The following FAT3 variants were observed in gnomAD, a reference collection of about 807,000 sequenced individuals.
FAT3 encodes FAT atypical cadherin 3, also known as protocadherin Fat 3.
FAT3 carries 95 observed loss-of-function variants against 310.2 expected under a neutral mutation model. The observed-to-expected ratio is 0.31, with a 90% CI of 0.26 to 0.36. The LOEUF (loss-of-function observed/expected upper bound fraction) is 0.36. FAT3 is among the 10% of genes least tolerant of loss of function. The pLI is 1.00. For missense variants in FAT3, 5,408 were observed against 5,715.6 expected, an observed-to-expected ratio of 0.95 and a Z score of 1.74; for synonymous variants, 2,314 against 2,192.9, an observed-to-expected ratio of 1.06 and a Z score of -1.54.
chr11:92,466,875 T>G (rs1211691143), intron 2 of FAT3, among the ~76,000 whole-genome samples: 3 of 151,662 alleles, frequency 2.0e-5, no homozygotes, highest in Non-Finnish European at 4.4e-5. Context: ...GAATGATGAT[T>G]TCCAATTTCA....
At chr11:92,445,379 G>A (rs1951185078) in intron 2 of FAT3, among the ~76,000 whole-genome samples, 1 of 152,042 alleles carries the variant, frequency 6.6e-6, no homozygotes, top group African/African-American at 2.4e-5. Context: ...TGCTCCCCAG[G>A]AGATTCCGAT....
chr11:92,323,901 T>C (rs1273118772), intron 1 of FAT3, among the ~76,000 whole-genome samples: 1 of 152,256 alleles, frequency 6.6e-6, no homozygotes, highest in Non-Finnish European at 1.5e-5. Context: ...TGCCTACAGA[T>C]GAAACTGATT....
intron 1 of FAT3, among the ~76,000 whole-genome samples, chr11:92,287,141 G>A (rs573143492): frequency 2.6e-5 from 4 of 152,208 alleles, no homozygotes; most frequent in South Asian, 2.1e-4. Context: ...CTTAGAGAAC[G>A]GAGGTATTTA....
intron 3 of FAT3, among the ~76,000 whole-genome samples, chr11:92,551,749 C>T (rs1407494434): frequency 6.6e-6 from 1 of 152,108 alleles, no homozygotes; most frequent in Non-Finnish European, 1.5e-5. Context: ...AGGTGTGTTG[C>T]TATTCCATAA....
At chr11:92,421,227 A>C (rs1001742588) in intron 2 of FAT3, among the ~76,000 whole-genome samples, 7 of 152,042 alleles carry the variant, frequency 4.6e-5, no homozygotes, top group African/African-American at 1.7e-4. Flanking sequence ...TTCGAATTTA[A>C]CTCTTAATTT....
intron 4 of FAT3, among the ~76,000 whole-genome samples, chr11:92,755,457 C>G (rs1423488458): frequency 2.0e-5 from 3 of 152,150 alleles, no homozygotes; most frequent in African/African-American, 4.8e-5. Context: ...CTCCTGACCT[C>G]TGGTGATCCA....
At chr11:92,711,441 A>G (rs539519194) in intron 4 of FAT3, among the ~76,000 whole-genome samples, 151 of 152,216 alleles carry the variant, frequency 9.9e-4, no homozygotes, top group African/African-American at 3.5e-3. Flanking sequence ...GGCCCTAGTG[A>G]TACTTCTGTA....
intron 4 of FAT3, among the ~76,000 whole-genome samples, chr11:92,698,912 G>A (rs193297768): frequency 7.7e-4 from 118 of 152,292 alleles, no homozygotes; most frequent in South Asian, 4.8e-3. Flanking sequence ...CATTATCTGA[G>A]GAGTCTGGCT....
At chr11:92,748,918 G>A (rs954419719) in intron 4 of FAT3, 1 of 152,116 alleles carries the variant, frequency 6.6e-6, no homozygotes, top group African/African-American at 2.4e-5. Context: ...TACTGTTTGT[G>A]TATACTTTTC....
chr11:92,565,568 G>A (rs1955400998), intron 3 of FAT3, among the ~76,000 whole-genome samples: 1 of 151,564 alleles, frequency 6.6e-6, no homozygotes, highest in Non-Finnish European at 1.5e-5. Context: ...ACCAAAGCTG[G>A]GCAGAGAAAC....
intron 2 of FAT3, among the ~76,000 whole-genome samples, chr11:92,399,524 G>T (rs775746369): frequency 2.0e-4 from 30 of 152,084 alleles, no homozygotes; most frequent in Non-Finnish European, 3.1e-4. Context: ...ATAAAATGTT[G>T]TTAACAAAAC....
At chr11:92,840,311 AG>A (rs1948505495) in intron 17 of FAT3, among the ~76,000 whole-genome samples, 1 of 152,206 alleles carries the variant, frequency 6.6e-6, no homozygotes, top group Admixed American at 6.5e-5. Flanking sequence ...TGTTCACACC[AG>A]TAGAGGATTG....
At chr11:92,755,733 A>C (rs1945974750) in intron 4 of FAT3, among the ~76,000 whole-genome samples, 1 of 152,208 alleles carries the variant, frequency 6.6e-6, no homozygotes, top group Non-Finnish European at 1.5e-5. Flanking sequence ...ATGGGCTGCT[A>C]AACAGGGCAC....
At chr11:92,300,708 C>A (rs941087251) in intron 1 of FAT3, among the ~76,000 whole-genome samples, 2 of 151,994 alleles carry the variant, frequency 1.3e-5, no homozygotes, top group African/African-American at 4.8e-5. Flanking sequence ...AAATGCAAGC[C>A]CCCTGAGTAG....
At position 92,251,373 on chromosome 11, in the gene FAT3, C is replaced by T. The variant is rs576853237; in HGVS notation, c.-18+26199C>T. 1.8e-4 allele frequency among the ~76,000 whole-genome samples: 27 copies of T among 152,198 alleles called. No homozygotes were observed. In the South Asian group the frequency reaches 5.0e-3, roughly 28 times the overall value. On this transcript the variant is annotated intron_variant, in intron 1 of 27. Coordinates refer to ENST00000525166, the MANE Select transcript of FAT3 (RefSeq NM_001367949.2). ...GGTGTAAGTAATGTTATATATAGTG[C>T]ATCCAATTATTTGTCTTAATTTCTT... is the stretch of plus-strand genomic sequence containing the variant.
intron 3 of FAT3, among the ~76,000 whole-genome samples, chr11:92,600,412 GA>G (rs1430510429): frequency 6.6e-6 from 1 of 152,078 alleles, no homozygotes; most frequent in East Asian, 1.9e-4. Context: ...TTCTACAAAT[GA>G]AAAAGGACAA....
intron 1 of FAT3, among the ~76,000 whole-genome samples, chr11:92,329,493 A>G (rs1220823349): frequency 6.6e-6 from 1 of 152,194 alleles, no homozygotes; most frequent in African/African-American, 2.4e-5. Context: ...CTTCTTGTAC[A>G]GCCTGCAGAA....
At chr11:92,310,129 T>A (rs912612107) in intron 1 of FAT3, among the ~76,000 whole-genome samples, 6 of 152,178 alleles carry the variant, frequency 3.9e-5, no homozygotes, top group Non-Finnish European at 7.4e-5. Context: ...AGAAATGTAG[T>A]GTATGTGTAG....
At chr11:92,687,349 C>A in intron 3 of FAT3, among the ~76,000 whole-genome samples, 1 of 152,114 alleles carries the variant, frequency 6.6e-6, no homozygotes, top group East Asian at 1.9e-4. Flanking sequence ...GGACTTAGAC[C>A]CAAGTTTACC....
Sources: gnomAD v4.1 joint callset for allele counts (sites outside exome capture counted in the v4.1 genomes callset) on GRCh38, gnomAD v4.1.1 for gene constraint, MANE v1.5 for transcripts, NCBI Gene and HGNC (gene_info 2026-07-23, HGNC 2026-07-21) for gene names.